The following RALGAPA2 variants were observed in gnomAD, a reference collection of about 807,000 sequenced individuals.
RALGAPA2 encodes the protein Ral GTPase activating protein catalytic subunit alpha 2.
A neutral mutation model predicts 230.4 loss-of-function variants in RALGAPA2; 139 were observed. The ratio of observed to expected loss-of-function variants is 0.60; its 90% confidence interval spans 0.53 to 0.69. The LOEUF is 0.69. RALGAPA2 is among the 30% of genes least tolerant of loss of function. The pLI is 0.00. For synonymous variants in RALGAPA2, 847 were observed against 837.8 expected, an observed-to-expected ratio of 1.01 and a Z score of -0.19; for missense variants, 2,163 against 2,276.0, an observed-to-expected ratio of 0.95 and a Z score of 1.01.
chr20:20,577,473 C>G (rs1465668326), intron 20 of RALGAPA2, among the ~76,000 whole-genome samples: 1 of 152,176 alleles, frequency 6.6e-6, no homozygotes, highest in African/African-American at 2.4e-5. Context: ...GTATCATATA[C>G]TCAACTCAGG....
intron 26 of RALGAPA2, among the ~76,000 whole-genome samples, chr20:20,535,136 G>GTTCCTAGGAGTTCC (rs1780944363): frequency 6.6e-6 from 1 of 152,214 alleles, no homozygotes; most frequent in Non-Finnish European, 1.5e-5. Context: ...CTAGGAGGGA[G>GTTCCTAGGAGTTCC]TAAGAGGCTG....
At chr20:20,448,036 G>A (rs779342633) in intron 37 of RALGAPA2, among the ~76,000 whole-genome samples, 4 of 152,090 alleles carry the variant, frequency 2.6e-5, no homozygotes, top group Admixed American at 6.6e-5. Flanking sequence ...CAACTTTAAC[G>A]TTCATTTTTT....
chr20:20,549,806 G>T lies in RALGAPA2; in HGVS notation c.3157-2974C>A, dbSNP rs1252257327. ...ACATTAAGACACAGCTATAACAGAA[G>T]TCTTTGAAAAATATAATAAAAATCT... On this transcript the variant is annotated intron_variant, in intron 23 of 39. Transcript: ENST00000202677. Among the ~76,000 whole-genome samples the T allele has an allele frequency of 2.0e-5, 3 of 152,044 alleles. No individual in the cohort carries two copies. In the East Asian group the frequency reaches 5.8e-4, roughly 29 times the overall value.
intron 28 of RALGAPA2, 131 bp downstream of exon 28, chr20:20,526,121 T>C: frequency 1.3e-6 from 1 of 742,058 alleles, no homozygotes; most frequent in Non-Finnish European, 2.1e-6. Flanking sequence ...AACTTAATCT[T>C]AAAACGAGTG....
At chr20:20,660,278 G>T (rs1603217276) in intron 3 of RALGAPA2, among the ~76,000 whole-genome samples, 1 of 151,368 alleles carries the variant, frequency 6.6e-6, no homozygotes, top group Non-Finnish European at 1.5e-5. Flanking sequence ...TTGCCTCTGT[G>T]AGTTCTCAAT....
intron 14 of RALGAPA2, among the ~76,000 whole-genome samples, chr20:20,609,756 G>A (rs575032304): frequency 2.6e-5 from 4 of 152,186 alleles, no homozygotes; most frequent in African/African-American, 9.7e-5. Context: ...GAGACGCTTC[G>A]CTGAGAAAGC....
chr20:20,543,189 C>A (rs2063695033), intron 24 of RALGAPA2, among the ~76,000 whole-genome samples: 1 of 152,106 alleles, frequency 6.6e-6, no homozygotes, highest in Admixed American at 6.5e-5. Context: ...GGACTACAGG[C>A]ATGTGCCACC....
At chr20:20,579,924 TTGTC>T (rs1461043102) in intron 20 of RALGAPA2, among the ~76,000 whole-genome samples, 1 of 152,198 alleles carries the variant, frequency 6.6e-6, no homozygotes, top group Non-Finnish European at 1.5e-5. Flanking sequence ...ATCCGTCTAT[TTGTC>T]TATCTCTATG....
At chr20:20,530,134 A>C (rs2063329403) in intron 27 of RALGAPA2, among the ~76,000 whole-genome samples, 1 of 152,166 alleles carries the variant, frequency 6.6e-6, no homozygotes, top group South Asian at 2.1e-4. Flanking sequence ...AAAACTCCAC[A>C]CATGTGGCCA....
At chr20:20,638,885 A>T (rs2146493685) in intron 7 of RALGAPA2, among the ~76,000 whole-genome samples, 1 of 152,318 alleles carries the variant, frequency 6.6e-6, no homozygotes, top group Middle Eastern at 3.4e-3. Context: ...ATCTTGAGAG[A>T]CAGCAGAGAA....
chr20:20,445,782 A>G (rs543850911), intron 37 of RALGAPA2, among the ~76,000 whole-genome samples: 3 of 152,330 alleles, frequency 2.0e-5, no homozygotes, highest in Non-Finnish European at 4.4e-5. Context: ...TATTTTTAGA[A>G]CTAGTATGTA....
intron 9 of RALGAPA2, 41 bp from the exon 10 acceptor site, chr20:20,629,631 C>A (rs766631915): frequency 6.3e-7 from 1 of 1,587,506 alleles, no homozygotes. Flanking sequence ...TGCTCACCCC[C>A]ACTCAAGAAC....
At chr20:20,474,405 G>A (rs1006144613) in intron 36 of RALGAPA2, among the ~76,000 whole-genome samples, 1 of 152,208 alleles carries the variant, frequency 6.6e-6, no homozygotes, top group Non-Finnish European at 1.5e-5. Flanking sequence ...AAATCCTCCT[G>A]AGGATTTAGG....
intron 36 of RALGAPA2, among the ~76,000 whole-genome samples, chr20:20,493,834 G>T (rs1420440661): frequency 6.6e-6 from 1 of 152,130 alleles, no homozygotes; most frequent in Non-Finnish European, 1.5e-5. Context: ...CGCACATGGA[G>T]ATCAGAATAA....
rs146353162 is a variant in RALGAPA2 at position 20,550,080 on chromosome 20, C to T, written c.3157-3248G>A. On this transcript the variant is annotated intron_variant, in intron 23 of 39. Transcript: ENST00000202677. ...AGTGGTGATTTGTGAGATTTTGATG[C>T]ACCCATCACCCAAGCAGTAAGCACT... 2.0e-5 allele frequency among the ~76,000 whole-genome samples: 3 copies of T among 152,124 alleles called. No homozygotes were observed. The East Asian group carries it at 5.8e-4, about 29-fold the overall frequency.
At chr20:20,459,814 G>T (rs997318833) in intron 37 of RALGAPA2, among the ~76,000 whole-genome samples, 7 of 152,202 alleles carry the variant, frequency 4.6e-5, no homozygotes, top group Non-Finnish European at 7.3e-5. Flanking sequence ...ACAAAAACGT[G>T]AATTATTTGA....
rs1477500888 is a variant in RALGAPA2 at position 20,490,695 on chromosome 20, T to C, written c.5367+4422A>G. On this transcript the variant is annotated intron_variant, in intron 36 of 39. Transcript: ENST00000202677. ...GGCCACACTAGTAAGCTTAAAAGAC[T>C]TCCTTTCAAACTCAGTGCCAATCCT... 3.9e-5 allele frequency among the ~76,000 whole-genome samples: 6 copies of C among 152,144 alleles called. 1 individual carries two copies. The highest frequency in any genetic ancestry group is 1.4e-4 in the African/African-American group (6 of 41,424).
chr20:20,496,242 C>T (rs1267207247), intron 35 of RALGAPA2, among the ~76,000 whole-genome samples: 1 of 152,060 alleles, frequency 6.6e-6, no homozygotes, highest in Non-Finnish European at 1.5e-5. Flanking sequence ...GAAAGATCTC[C>T]AAAACAAGAC....
chr20:20,436,894 C>T (rs1257657246), intron 37 of RALGAPA2, among the ~76,000 whole-genome samples: 3 of 152,142 alleles, frequency 2.0e-5, no homozygotes, highest in East Asian at 3.9e-4. Flanking sequence ...CACGGGCGGG[C>T]GGCCAGGGCG....
Sources: gnomAD v4.1 joint callset for allele counts (sites outside exome capture counted in the v4.1 genomes callset) on GRCh38, gnomAD v4.1.1 for gene constraint, MANE v1.5 for transcripts, NCBI Gene and HGNC (gene_info 2026-07-23, HGNC 2026-07-21) for gene names.